DNER: variants seen among roughly 807,000 people sequenced by gnomAD.
DNER encodes the protein delta/notch like EGF repeat containing.
DNER carries 33 observed loss-of-function variants against 78.2 expected under a neutral mutation model. The observed-to-expected ratio is 0.42, with a 90% CI of 0.32 to 0.56. The LOEUF is 0.56. DNER is among the 20% of genes least tolerant of loss of function. The pLI is 0.11. For missense variants in DNER, 918 were observed against 975.3 expected, an observed-to-expected ratio of 0.94 and a Z score of 0.78; for synonymous variants, 417 against 384.8, an observed-to-expected ratio of 1.08 and a Z score of -0.98.
At chr2:229,388,183 C>T (rs943210242) in intron 11 of DNER, 82 bp downstream of exon 11, 8 of 1,506,264 alleles carry the variant, frequency 5.3e-6, no homozygotes, top group South Asian at 3.9e-5. Flanking sequence ...TGGTCACAGT[C>T]GGCATCTTCT....
chr2:229,464,223 A>G (rs1397633908), intron 7 of DNER, among the ~76,000 whole-genome samples: 3 of 152,248 alleles, frequency 2.0e-5, no homozygotes, highest in Non-Finnish European at 4.4e-5. Flanking sequence ...GTTATGCAAG[A>G]TAAAGAGAAA....
intron 6 of DNER, among the ~76,000 whole-genome samples, chr2:229,493,497 A>G (rs2154211760): frequency 6.6e-6 from 1 of 152,328 alleles, no homozygotes; most frequent in East Asian, 1.9e-4. Flanking sequence ...CATGATGGAA[A>G]ACTCAAGAGG....
rs565439503 is a variant in DNER, at chr2:229,591,973, C to A, written c.277-85G>T. 10 of 1,420,868 alleles carry A rather than the reference C, an allele frequency of 7.0e-6. No individual in the cohort carries two copies. The highest frequency in any genetic ancestry group is 1.4e-5 in the African/African-American group (1 of 69,506). 88.0% of individuals were successfully genotyped at this position (1,420,868 alleles called of 1,614,324 possible). On this transcript the variant is annotated intron_variant, in intron 1 of 12. Coordinates refer to ENST00000341772, the MANE Select transcript of DNER (RefSeq NM_139072.4). The surrounding 1 kb of genome is among the most constrained non-coding windows in gnomAD (Gnocchi z 4.6). Reference sequence around the variant, plus strand: ...GGGAAATTAGCTCTGTGTCTCAGAGCGACTGCTGTAATGGAAATGCTGTTC... The same window carrying A: ...GGGAAATTAGCTCTGTGTCTCAGAGAGACTGCTGTAATGGAAATGCTGTTC...
chr2:229,641,386 G>A (rs1328852166), intron 1 of DNER, among the ~76,000 whole-genome samples: 2 of 152,146 alleles, frequency 1.3e-5, no homozygotes, highest in African/African-American at 4.8e-5. Flanking sequence ...TGAGGAATGT[G>A]GGGATATGAC....
chr2:229,563,924 A>G (rs1181947092), intron 4 of DNER, among the ~76,000 whole-genome samples: 2 of 135,616 alleles, frequency 1.5e-5, no homozygotes, highest in Non-Finnish European at 3.1e-5. Context: ...TCCTTACCCC[A>G]TCACCATTAT....
chr2:229,577,393 G>A (rs1435602313), intron 4 of DNER, among the ~76,000 whole-genome samples: 5 of 152,140 alleles, frequency 3.3e-5, no homozygotes, highest in African/African-American at 9.7e-5. Context: ...TAGGCTGGGC[G>A]CAGTGGCTCA....
intron 1 of DNER, among the ~76,000 whole-genome samples, chr2:229,663,005 G>A (rs1444304510): frequency 6.6e-6 from 1 of 152,146 alleles, no homozygotes; most frequent in Non-Finnish European, 1.5e-5. Context: ...CTAAGATTGG[G>A]TGCTCCTCGT....
intron 2 of DNER, among the ~76,000 whole-genome samples, chr2:229,590,077 G>A (rs570043596): frequency 1.3e-4 from 20 of 151,082 alleles, no homozygotes; most frequent in East Asian, 5.8e-4. Flanking sequence ...GATGAAACCC[G>A]TAATAATAAC....
intron 1 of DNER, among the ~76,000 whole-genome samples, chr2:229,610,690 C>T (rs72990027): frequency 2.0e-4 from 30 of 152,146 alleles, no homozygotes; most frequent in African/African-American, 6.3e-4. Context: ...CCTCAACCAC[C>T]GACAGTGTAC....
Position 229,667,299 on chromosome 2 carries a change from A to G in DNER, c.276+46849T>C, listed in dbSNP as rs572540073. 6.6e-5 allele frequency among the ~76,000 whole-genome samples: 10 copies of G among 152,322 alleles called. No homozygotes were observed. The South Asian group carries it at 2.1e-3, about 32-fold the overall frequency. ...TGGGTTGAAAGGATTGCACAGCACT[A>G]TCTAGACAACAAAATGCATCTGCCC... On this transcript the variant is annotated intron_variant, in intron 1 of 12. Transcript: ENST00000341772.
chr2:229,680,426 C>T (rs1699366149), intron 1 of DNER, among the ~76,000 whole-genome samples: 1 of 152,184 alleles, frequency 6.6e-6, no homozygotes, highest in Non-Finnish European at 1.5e-5. Flanking sequence ...TACCAGTAGA[C>T]TGGAAGTACC....
chr2:229,396,651 GA>G (rs1249229316), intron 10 of DNER, among the ~76,000 whole-genome samples: 2 of 152,202 alleles, frequency 1.3e-5, no homozygotes, highest in Admixed American at 1.3e-4. Context: ...GGATGTGTAA[GA>G]AAATGCAAAC....
intron 7 of DNER, among the ~76,000 whole-genome samples, chr2:229,454,880 A>AGG (rs1422248441): frequency 1.1e-4 from 17 of 152,186 alleles, no homozygotes; most frequent in African/African-American, 4.1e-4. Flanking sequence ...AGTCTAAAAA[A>AGG]AGAAAGTGGG....
chr2:229,491,700 C>T (rs185992291), intron 6 of DNER, among the ~76,000 whole-genome samples: 1 of 152,036 alleles, frequency 6.6e-6, no homozygotes, highest in Non-Finnish European at 1.5e-5. Flanking sequence ...TTTATTTTTT[C>T]TTCACAGCAC....
At chr2:229,401,768 T>C (rs747035084) in intron 10 of DNER, among the ~76,000 whole-genome samples, 93 of 152,172 alleles carry the variant, frequency 6.1e-4, no homozygotes, top group Non-Finnish European at 9.1e-4. Flanking sequence ...GAAGCTTACA[T>C]TGGATCTCTC....
At chr2:229,368,930 T>C (rs1042819128) in intron 11 of DNER, among the ~76,000 whole-genome samples, 4 of 152,228 alleles carry the variant, frequency 2.6e-5, no homozygotes, top group African/African-American at 9.6e-5. Context: ...AATAAGAATG[T>C]ATTCCTTTTC....
intron 6 of DNER, among the ~76,000 whole-genome samples, chr2:229,498,672 A>G (rs924720225): frequency 2.0e-5 from 3 of 152,214 alleles, no homozygotes; most frequent in Non-Finnish European, 2.9e-5. Context: ...TATAGTAACT[A>G]CAAAATAAAA....
rs375606454 is a variant in DNER, at chr2:229,393,516, G to A, written c.1724-5120C>T. Among the ~76,000 whole-genome samples, 31 of 152,108 alleles carry A rather than the reference G, an allele frequency of 2.0e-4. 1 individual carries two copies. The highest frequency in any genetic ancestry group is 6.5e-4 in the African/African-American group (27 of 41,514). Reference sequence around the variant, plus strand: ...GTTGAAAACAGAACAATAGAAGCTTGACAAACTGAAACTCAGAAAGAAAAA... The same window carrying A: ...GTTGAAAACAGAACAATAGAAGCTTAACAAACTGAAACTCAGAAAGAAAAA... On this transcript the variant is annotated intron_variant, in intron 10 of 12. Transcript: ENST00000341772.
intron 8 of DNER, 21 bp downstream of exon 8, chr2:229,447,295 C>G: frequency 6.4e-7 from 1 of 1,560,070 alleles, no homozygotes; most frequent in Non-Finnish European, 8.7e-7. Flanking sequence ...GGAAGATGTA[C>G]TGTGTAGGGG....
Sources: allele counts gnomAD v4.1 joint callset (sites outside exome capture counted in the v4.1 genomes callset), GRCh38; gene constraint gnomAD v4.1.1; non-coding constraint Gnocchi (gnomAD v3.1); transcripts MANE v1.5; gene names NCBI Gene and HGNC (gene_info 2026-07-23, HGNC 2026-07-21).